The following SEMA3A variants were observed in gnomAD, a reference collection of about 807,000 sequenced individuals.
SEMA3A encodes the protein semaphorin 3A, also known as semaphorin-3A.
In SEMA3A, 29 loss-of-function variants were observed where a neutral mutation model predicts 97.9. The observed-to-expected ratio is 0.30, with a 90% CI of 0.22 to 0.40. The LOEUF (loss-of-function observed/expected upper bound fraction) is 0.40, where lower values mean the gene tolerates loss of function less well. SEMA3A is among the 10% of genes least tolerant of loss of function. The pLI, the probability that SEMA3A is intolerant of heterozygous loss-of-function variation, is 1.00. For synonymous variants in SEMA3A, 321 were observed against 323.7 expected (o/e 0.99, Z 0.09); for missense variants, 763 against 951.3 (o/e 0.80, Z 2.60).
intron 12 of SEMA3A, among the ~76,000 whole-genome samples, chr7:83,997,842 T>C (rs971099152): frequency 6.6e-6 from 1 of 151,906 alleles, no homozygotes; most frequent in African/African-American, 2.4e-5. Flanking sequence ...GTTCAAGTGA[T>C]TATTGTGCCT....
At chr7:84,402,814 T>C (rs1214697567) in intron 1 of SEMA3A, among the ~76,000 whole-genome samples, 1 of 152,164 alleles carries the variant, frequency 6.6e-6, no homozygotes, top group Admixed American at 6.6e-5. Flanking sequence ...AGACAAGGTA[T>C]AGAAAGACAA....
intron 4 of SEMA3A, among the ~76,000 whole-genome samples, chr7:84,066,689 A>C (rs1475310011): frequency 6.6e-6 from 1 of 151,356 alleles, no homozygotes; most frequent in Non-Finnish European, 1.5e-5. Context: ...AAAGAGAATA[A>C]AATACCTAGG....
At chr7:84,170,131 T>C (rs1797339763) in intron 1 of SEMA3A, among the ~76,000 whole-genome samples, 1 of 151,934 alleles carries the variant, frequency 6.6e-6, no homozygotes, top group Admixed American at 6.6e-5. Context: ...ATAGCTTTGT[T>C]AGTACAGTCC....
intron 1 of SEMA3A, among the ~76,000 whole-genome samples, chr7:84,485,410 C>T (rs1806550048): frequency 6.6e-6 from 1 of 150,784 alleles, no homozygotes; most frequent in Non-Finnish European, 1.5e-5. Flanking sequence ...GGGTCTTACT[C>T]TGCCACCCAG....
intron 12 of SEMA3A, among the ~76,000 whole-genome samples, chr7:83,998,170 G>A (rs1289041619): frequency 1.3e-5 from 2 of 151,978 alleles, no homozygotes; most frequent in Non-Finnish European, 2.9e-5. Context: ...ATGGGTTGAT[G>A]ACAGAGATAC....
chr7:84,256,044 T>C (rs968858496), intron 3 of SEMA3A, among the ~76,000 whole-genome samples: 1 of 152,034 alleles, frequency 6.6e-6, no homozygotes, highest in African/African-American at 2.4e-5. Flanking sequence ...ACAGAGATGA[T>C]GTAAAGGTGT....
intron 2 of SEMA3A, among the ~76,000 whole-genome samples, chr7:84,309,859 C>A (rs959956100): frequency 6.6e-6 from 1 of 151,878 alleles, no homozygotes; most frequent in African/African-American, 2.4e-5. Flanking sequence ...CCAGAAACAG[C>A]AATAAAGTCA....
chr7:83,985,562 G>T, intron 12 of SEMA3A, 85 bp from the exon 13 acceptor site: 1 of 1,079,212 alleles, frequency 9.3e-7, no homozygotes, highest in Non-Finnish European at 1.4e-6. Context: ...ACTGCCATTA[G>T]TTTTCAGAGA....
At chr7:84,405,045 T>C (rs992669273) in intron 1 of SEMA3A, among the ~76,000 whole-genome samples, 8 of 152,042 alleles carry the variant, frequency 5.3e-5, no homozygotes, top group Non-Finnish European at 1.2e-4. Flanking sequence ...CACATAACAA[T>C]ACTAACCTTA....
At chr7:84,484,123 A>G (rs1029824988) in intron 1 of SEMA3A, among the ~76,000 whole-genome samples, 6 of 152,148 alleles carry the variant, frequency 3.9e-5, no homozygotes, top group African/African-American at 1.4e-4. Context: ...TCCAAAATGG[A>G]CTAGTTAAGA....
At chr7:84,336,165 A>G (rs190660457) in intron 2 of SEMA3A, among the ~76,000 whole-genome samples, 6 of 152,292 alleles carry the variant, frequency 3.9e-5, no homozygotes, top group African/African-American at 1.4e-4. Context: ...AAATATTACA[A>G]TGACTATAGA....
chr7:84,217,419 C>T (rs1798775743), intron 3 of SEMA3A, among the ~76,000 whole-genome samples: 1 of 152,200 alleles, frequency 6.6e-6, no homozygotes, highest in East Asian at 1.9e-4. Flanking sequence ...TAAATTGCAG[C>T]CCTGTCTATT....
intron 1 of SEMA3A, among the ~76,000 whole-genome samples, chr7:84,138,085 AGCAT>A (rs771533494): frequency 8.1e-4 from 124 of 152,302 alleles, no homozygotes; most frequent in Non-Finnish European, 1.4e-3. Flanking sequence ...TACTAGAACA[AGCAT>A]TTCCTAGTAA....
At chr7:84,162,098 T>G (rs1797054248) in intron 1 of SEMA3A, among the ~76,000 whole-genome samples, 1 of 152,200 alleles carries the variant, frequency 6.6e-6, no homozygotes, top group African/African-American at 2.4e-5. Context: ...AATATTTAGC[T>G]TCATATAGTG....
intron 1 of SEMA3A, among the ~76,000 whole-genome samples, chr7:84,188,884 T>A (rs1462907962): frequency 2.0e-5 from 3 of 151,886 alleles, no homozygotes. Flanking sequence ...TTTTAAGTAA[T>A]TCTTCTGTTT....
intron 12 of SEMA3A, among the ~76,000 whole-genome samples, chr7:83,992,455 T>G (rs1426348069): frequency 6.6e-6 from 1 of 150,628 alleles, no homozygotes; most frequent in Non-Finnish European, 1.5e-5. Flanking sequence ...TGTGGGCATT[T>G]AGTGCTATAA....
intron 1 of SEMA3A, among the ~76,000 whole-genome samples, chr7:84,462,650 G>A (rs1805875771): frequency 6.6e-6 from 1 of 152,030 alleles, no homozygotes. Context: ...AATAATAAAG[G>A]CCTGTTCTAA....
At chr7:84,036,577 G>A (rs73185463) in intron 6 of SEMA3A, among the ~76,000 whole-genome samples, 7,765 of 152,122 alleles carry the variant, frequency 0.051, 296 homozygotes, top group East Asian at 0.19. Flanking sequence ...AAACATTGTT[G>A]AATGAGAGGA....
rs1236466641 is a variant in SEMA3A, at chr7:84,204,165, A to T, written c.-82-9497T>A. Among the ~76,000 whole-genome samples, 3 of 152,052 alleles carry T rather than the reference A, an allele frequency of 2.0e-5. No individual in the cohort carries two copies. In the South Asian group the frequency reaches 6.2e-4, roughly 32 times the overall value. ...TAGTGTCTCCCAATGGTAATATTCT[A>T]TTTTTTTAATTTAAAAATTAAGAAC... On this transcript the variant is annotated intron_variant, in intron 3 of 3. Coordinates refer to the SEMA3A transcript ENST00000424555.
Sources: allele counts gnomAD v4.1 joint callset (sites outside exome capture counted in the v4.1 genomes callset), GRCh38; gene constraint gnomAD v4.1.1; transcripts MANE v1.5; gene names NCBI Gene and HGNC (gene_info 2026-07-23, HGNC 2026-07-21).